ENPP1: variants seen among roughly 807,000 people sequenced by gnomAD.
ENPP1 encodes ectonucleotide pyrophosphatase/phosphodiesterase family member 1.
In ENPP1, 73 loss-of-function variants were observed where a neutral mutation model predicts 122.8. That is an observed-to-expected ratio of 0.59 (90% CI 0.49 to 0.72). The LOEUF is 0.72. Among genes scored for constraint, ENPP1 ranks in the 30% least tolerant of loss-of-function variants. The probability of loss-of-function intolerance (pLI) is 0.00; values close to 1 mark genes in which losing one functional copy is unlikely to be tolerated. For synonymous variants in ENPP1, 367 were observed against 391.6 expected, an observed-to-expected ratio of 0.94 and a Z score of 0.74; for missense variants, 978 against 1,128.1, an observed-to-expected ratio of 0.87 and a Z score of 1.91.
intron 1 of ENPP1, among the ~76,000 whole-genome samples, chr6:131,819,590 CAA>C (rs1379749848): frequency 1.3e-5 from 2 of 152,168 alleles, no homozygotes; most frequent in Admixed American, 6.5e-5. Context: ...GATAATGAGA[CAA>C]ACGTGCATTT....
At chr6:131,875,915 G>A (rs754408305) in intron 17 of ENPP1, 52 bp downstream of exon 17, 2 of 1,428,140 alleles carry the variant, frequency 1.4e-6, no homozygotes, top group South Asian at 2.3e-5. Flanking sequence ...CCTGAAATAG[G>A]ATTATCAAAA....
chr6:131,823,372 A>G (rs1248298009), intron 1 of ENPP1, among the ~76,000 whole-genome samples: 1 of 152,130 alleles, frequency 6.6e-6, no homozygotes, highest in East Asian at 1.9e-4. Context: ...TTATGTGCAT[A>G]CTTTGTATTA....
chr6:131,866,832 G>T (rs999574726), intron 11 of ENPP1, among the ~76,000 whole-genome samples: 1 of 152,176 alleles, frequency 6.6e-6, no homozygotes, highest in African/African-American at 2.4e-5. Context: ...TGTAGCTGTT[G>T]TCTTGATTTG....
chr6:131,874,824 TGA>T (rs1321343076), intron 16 of ENPP1, among the ~76,000 whole-genome samples: 36 of 133,932 alleles, frequency 2.7e-4, no homozygotes, highest in African/African-American at 1.4e-3. Flanking sequence ...TAAAAATGTG[TGA>T]GATATATATA....
intron 16 of ENPP1, 88 bp from the exon 17 acceptor site, chr6:131,875,688 T>A (rs1344855494): frequency 1.1e-6 from 1 of 927,572 alleles, no homozygotes; most frequent in Non-Finnish European, 1.8e-6. Flanking sequence ...AACCAGTTTG[T>A]ATATGTACAA....
At chr6:131,831,459 G>GT (rs1781613338) in intron 1 of ENPP1, among the ~76,000 whole-genome samples, 1 of 151,614 alleles carries the variant, frequency 6.6e-6, no homozygotes, top group Non-Finnish European at 1.5e-5. Flanking sequence ...GTCTTTTTTT[G>GT]TTTTTTTGTT....
chr6:131,854,499 A>G (rs904649869), intron 5 of ENPP1, among the ~76,000 whole-genome samples: 3 of 152,298 alleles, frequency 2.0e-5, no homozygotes, highest in Admixed American at 1.3e-4. Context: ...ATTAGAGTCC[A>G]TATCAGAAAG....
At chr6:131,812,165 A>T in intron 1 of ENPP1, among the ~76,000 whole-genome samples, 1 of 152,236 alleles carries the variant, frequency 6.6e-6, no homozygotes, top group South Asian at 2.1e-4. Flanking sequence ...GACTTTAGAC[A>T]TCTAGAAATA....
intron 7 of ENPP1, among the ~76,000 whole-genome samples, chr6:131,859,806 C>G (rs1224777610): frequency 6.6e-6 from 1 of 152,064 alleles, no homozygotes; most frequent in Non-Finnish European, 1.5e-5. Context: ...AGCAGGCTTG[C>G]GAGACTACAT....
intron 2 of ENPP1, among the ~76,000 whole-genome samples, chr6:131,848,566 AAAAGT>A (rs1781842840): frequency 6.6e-6 from 1 of 152,172 alleles, no homozygotes; most frequent in Admixed American, 6.5e-5. Flanking sequence ...TGTACTGTTG[AAAAGT>A]AGTAATTTTA....
At chr6:131,822,156 C>T (rs1781491707) in intron 1 of ENPP1, among the ~76,000 whole-genome samples, 1 of 152,100 alleles carries the variant, frequency 6.6e-6, no homozygotes, top group South Asian at 2.1e-4. Context: ...CTAATCAGCA[C>T]AAAGGAGGTA....
chr6:131,842,518 A>G (rs1781754469), intron 1 of ENPP1, among the ~76,000 whole-genome samples: 1 of 152,252 alleles, frequency 6.6e-6, no homozygotes, highest in Non-Finnish European at 1.5e-5. Context: ...ACAGAATCTA[A>G]ATACATTGCA....
intron 1 of ENPP1, chr6:131,826,132 T>G: frequency 1.2e-6 from 1 of 837,088 alleles, no homozygotes; most frequent in Non-Finnish European, 2.1e-6. Flanking sequence ...TCCAATGAAC[T>G]CCAGATGAGT....
rs1008971117 is a variant in ENPP1, at chr6:131,879,702, T to G, written c.1946-178T>G. 3.7e-4 allele frequency among the ~76,000 whole-genome samples: 56 copies of G among 152,200 alleles called. 1 individual carries two copies. Among genetic ancestry groups the G allele is most frequent in the African/African-American group, 1.4e-3 (56 of 41,462 alleles). On this transcript the variant is annotated intron_variant, in intron 19 of 24. Coordinates refer to ENST00000647893, the MANE Select transcript of ENPP1 (RefSeq NM_006208.3). The stretch of plus-strand genomic sequence containing the variant: ...GAATCTTTATAGGCAAAAATAACAG[T>G]GAACCTCACTTGTCTTCTTAATTGT...
rs182821884 is a variant in ENPP1 at position 131,852,562 on chromosome 6, A to G, written c.617+327A>G. Among the ~76,000 whole-genome samples, 146 of 152,232 alleles carry G rather than the reference A, an allele frequency of 9.6e-4. 1 individual carries two copies. Among genetic ancestry groups the G allele is most frequent in the African/African-American group, 3.4e-3 (140 of 41,546 alleles). ...GAGATGTCAGATTTTCAGATTTGGG[A>G]TGCCCAACCTGTATTTTTAGCCAGA... On this transcript the variant is annotated intron_variant, in intron 5 of 24. Coordinates refer to ENST00000647893, the MANE Select transcript of ENPP1 (RefSeq NM_006208.3).
chr6:131,863,792 T>G (rs1424128959), intron 9 of ENPP1, among the ~76,000 whole-genome samples: 1 of 150,648 alleles, frequency 6.6e-6, no homozygotes, highest in African/African-American at 2.4e-5. Context: ...GGTGCACGCC[T>G]GTAGTCCCAG....
intron 1 of ENPP1, among the ~76,000 whole-genome samples, chr6:131,833,279 A>G (rs1388932991): frequency 1.3e-5 from 2 of 151,896 alleles, no homozygotes. Flanking sequence ...GGACTCATTG[A>G]TTTGTAGTTC....
intron 1 of ENPP1, among the ~76,000 whole-genome samples, chr6:131,835,003 TTTTG>T (rs1781658140): frequency 6.6e-6 from 1 of 152,240 alleles, no homozygotes; most frequent in Admixed American, 6.5e-5. Context: ...GTCCAACTCT[TTTTG>T]TTTATTGATA....
chr6:131,848,657 T>C (rs1253169159), intron 2 of ENPP1, among the ~76,000 whole-genome samples: 1 of 152,252 alleles, frequency 6.6e-6, no homozygotes, highest in African/African-American at 2.4e-5. Context: ...AGTGTTTACC[T>C]ATGTCATCTT....
Sources: allele counts gnomAD v4.1 joint callset (sites outside exome capture counted in the v4.1 genomes callset), GRCh38; gene constraint gnomAD v4.1.1; transcripts MANE v1.5; gene names NCBI Gene and HGNC (gene_info 2026-07-23, HGNC 2026-07-21).